Variants in HUS1 observed in about 807,000 individuals in gnomAD.
The protein encoded by HUS1 is HUS1 checkpoint clamp component.
HUS1 carries 31 observed loss-of-function variants against 32.6 expected under a neutral mutation model. That is an observed-to-expected ratio of 0.95 (90% CI 0.72 to 1.28). The LOEUF (loss-of-function observed/expected upper bound fraction) is 1.28, where lower values mean the gene tolerates loss of function less well. Ranked by LOEUF, HUS1 falls within the 50% of genes most tolerant of loss-of-function variation. HUS1 has a pLI of 0.00. For synonymous variants in HUS1, 123 were observed against 116.6 expected (o/e 1.06, Z -0.36); for missense variants, 340 against 337.7 (o/e 1.01, Z -0.05).
rs1367663728 is a variant in HUS1, at chr7:47,979,272, C to A, written c.52+196G>T. The A allele has an allele frequency of 1.8e-5, 11 of 607,656 alleles. No homozygotes were observed. In the African/African-American group the frequency reaches 2.1e-4, roughly 11 times the overall value. 37.6% of individuals were successfully genotyped at this position (607,656 alleles called of 1,614,324 possible). A position where few individuals can be genotyped will look rare whatever the true frequency, so the allele number is the denominator to read the frequency against. On this transcript the variant is annotated intron_variant, in intron 1 of 7. Transcript: ENST00000258774. ...CCCTTGAAAGCCGCCTTCATCCCCA[C>A]AAGTGCCCTCCGACCCGCCCCGCGC...
chr7:47,974,423 C>G (rs1788657072), intron 5 of HUS1, among the ~76,000 whole-genome samples: 1 of 152,146 alleles, frequency 6.6e-6, no homozygotes, highest in Admixed American at 6.5e-5. Flanking sequence ...GGCTAAGTGC[C>G]TTCCAGGGAG....
Position 47,978,734 on chromosome 7 carries a change from G to C in HUS1, c.135C>G (p.Asp45Glu). The C allele has an allele frequency of 6.2e-7, 1 of 1,614,234 alleles. No individual in the cohort carries two copies. The highest frequency in any genetic ancestry group is 8.5e-7 in the Non-Finnish European group (1 of 1,180,044). Reference protein sequence around the residue: ...SPDKLNFILCDKLANGGVSMW... With the variant: ...SPDKLNFILCEKLANGGVSMW... ...TGCTCACTCCTCCATTAGCCAGCTT[G>C]TCACAAAGGATGAAGTTAAGCTTAT... Residue 45 changes from aspartate to glutamate, a missense_variant, in exon 2 of 8, where the codon GAC (aspartate) becomes GAG (glutamate). Asp to Glu is a conservative substitution (Grantham distance 45). Coordinates refer to ENST00000258774, the MANE Select transcript of HUS1 (RefSeq NM_004507.4).
intron 1 of HUS1, 45 bp from the exon 2 acceptor site, chr7:47,978,861 G>A (rs1258943156): frequency 1.9e-5 from 29 of 1,565,966 alleles, no homozygotes; most frequent in African/African-American, 2.7e-5. Flanking sequence ...TGCACATTAT[G>A]TATCCTAGAG....
chr7:47,969,880 T>G (rs1305097542), intron 5 of HUS1, among the ~76,000 whole-genome samples: 4 of 152,218 alleles, frequency 2.6e-5, no homozygotes, highest in African/African-American at 9.7e-5. Flanking sequence ...CTAGAGTCAT[T>G]AAATTAGAAA....
chr7:47,978,264 C>T, intron 3 of HUS1, 153 bp downstream of exon 3: 1 of 625,632 alleles, frequency 1.6e-6, no homozygotes, highest in Non-Finnish European at 2.7e-6. Flanking sequence ...GAGGAACTGA[C>T]TCTAATGCAA....
chr7:47,968,922 G>C (rs1788536522), intron 6 of HUS1: 1 of 265,504 alleles, frequency 3.8e-6, no homozygotes, highest in Non-Finnish European at 7.0e-6. Context: ...AGTAGGACAG[G>C]AATTGAATAG....
intron 3 of HUS1, among the ~76,000 whole-genome samples, chr7:47,977,141 G>C (rs1788721938): frequency 6.6e-6 from 1 of 152,164 alleles, no homozygotes; most frequent in African/African-American, 2.4e-5. Context: ...TTATAGCCGT[G>C]AGAAAGCACT....
intron 5 of HUS1, among the ~76,000 whole-genome samples, chr7:47,974,609 A>G (rs1276699372): frequency 6.6e-6 from 1 of 151,958 alleles, no homozygotes; most frequent in East Asian, 1.9e-4. Context: ...ATGCTTCATC[A>G]GGTGGACAGT....
At chr7:47,973,806 C>G (rs1201285518) in intron 5 of HUS1, among the ~76,000 whole-genome samples, 1 of 152,198 alleles carries the variant, frequency 6.6e-6, no homozygotes, top group East Asian at 1.9e-4. Context: ...TACCCTTCTA[C>G]CTCTCTACCT....
intron 6 of HUS1, among the ~76,000 whole-genome samples, chr7:47,968,611 C>T (rs1788529973): frequency 6.6e-6 from 1 of 152,192 alleles, no homozygotes; most frequent in Admixed American, 6.5e-5. Flanking sequence ...TGGTCCTTTA[C>T]CTGCTTTCCT....
At chr7:47,979,215 G>A (rs1236342118) in intron 1 of HUS1, among the ~76,000 whole-genome samples, 2 of 152,164 alleles carry the variant, frequency 1.3e-5, no homozygotes. Context: ...TTTTTTTAAA[G>A]CCACGTGATC....
At chr7:47,976,370 T>C (rs958142693) in intron 4 of HUS1, 1 of 461,392 alleles carries the variant, frequency 2.2e-6, no homozygotes, top group South Asian at 1.5e-5. Context: ...TCTTCTTGGC[T>C]TTCGTGCACA....
At chr7:47,976,492 TTG>T (rs1444170734) in intron 4 of HUS1, 6 of 575,078 alleles carry the variant, frequency 1.0e-5, no homozygotes, top group African/African-American at 7.4e-5. Flanking sequence ...AAAGTATCAT[TTG>T]TGTTTTAAGT....
chr7:47,979,203 C>CT (rs1320824707), intron 1 of HUS1, among the ~76,000 whole-genome samples: 2 of 151,932 alleles, frequency 1.3e-5, no homozygotes, highest in African/African-American at 2.4e-5. Flanking sequence ...GCAGTGGCCG[C>CT]TTTTTTTTAA....
intron 4 of HUS1, chr7:47,976,294 G>A (rs1201601251): frequency 2.2e-6 from 1 of 449,222 alleles, no homozygotes; most frequent in Non-Finnish European, 4.5e-6. Flanking sequence ...TTTACTTTCA[G>A]GAGCTCTAGG....
chr7:47,974,473 G>A (rs1008922180), intron 5 of HUS1, among the ~76,000 whole-genome samples: 2 of 152,104 alleles, frequency 1.3e-5, no homozygotes, highest in Non-Finnish European at 2.9e-5. Flanking sequence ...CAAAGAAACT[G>A]AACAAAAAAG....
intron 5 of HUS1, chr7:47,971,433 C>T: frequency 2.2e-6 from 1 of 456,588 alleles, no homozygotes; most frequent in Non-Finnish European, 4.4e-6. Flanking sequence ...CGGGGACTGT[C>T]TCCACAGGTC....
At chr7:47,978,956 C>T (rs1023188990) in intron 1 of HUS1, 140 bp from the exon 2 acceptor site, 37 of 772,656 alleles carry the variant, frequency 4.8e-5, no homozygotes, top group Non-Finnish European at 7.3e-5. Context: ...CTGGAAAGTA[C>T]TTTAATACCC....
chr7:47,978,416 C>G lies in HUS1; in HGVS notation c.357+1G>C. On this transcript the variant is annotated splice_donor_variant, in intron 3 of 7. Coordinates refer to ENST00000258774, the MANE Select transcript of HUS1 (RefSeq NM_004507.4). LOFTEE classifies it high-confidence loss of function. ...TTAGAAACCCTGACTCTCCTACTCA[C>G]CAGCTCCACGGAGACCGTGAGGCAG... 1.2e-6 allele frequency: 2 copies of G among 1,612,668 alleles called. No individual in the cohort carries two copies. The highest frequency in any genetic ancestry group is 1.7e-6 in the Non-Finnish European group (2 of 1,178,682).
Sources: allele counts gnomAD v4.1 joint callset (sites outside exome capture counted in the v4.1 genomes callset), GRCh38; gene constraint gnomAD v4.1.1; transcripts MANE v1.5; gene names NCBI Gene and HGNC (gene_info 2026-07-23, HGNC 2026-07-21).